The following OR52N2 variants were observed in gnomAD, a reference collection of about 807,000 sequenced individuals.
OR52N2 encodes olfactory receptor family 52 subfamily N member 2, also known as olfactory receptor 52N2.
For missense variants in OR52N2, 326 were observed against 196.6 expected, an observed-to-expected ratio of 1.66 and a Z score of -3.94; for synonymous variants, 129 against 72.0, an observed-to-expected ratio of 1.79 and a Z score of -4.01.
At chr11:5,813,970 C>T (rs769813960) in intron 1 of OR52N2, among the ~76,000 whole-genome samples, 3 of 152,178 alleles carry the variant, frequency 2.0e-5, no homozygotes, top group Non-Finnish European at 4.4e-5. Flanking sequence ...AATTCAACCT[C>T]CTTTCATGAT....
At chr11:5,820,187 A>G (rs1846434733) in intron 1 of OR52N2, 95 bp from the exon 2 acceptor site, 1 of 656,406 alleles carries the variant, frequency 1.5e-6, no homozygotes, top group Non-Finnish European at 2.7e-6. Context: ...ATTTCTGGTT[A>G]TCAATGTAAG....
At chr11:5,814,562 A>C (rs759286919) in intron 1 of OR52N2, among the ~76,000 whole-genome samples, 3 of 152,268 alleles carry the variant, frequency 2.0e-5, no homozygotes, top group Non-Finnish European at 4.4e-5. Flanking sequence ...AATATTGCCG[A>C]AATAAATTAA....
intron 1 of OR52N2, among the ~76,000 whole-genome samples, chr11:5,812,235 C>T (rs945960471): frequency 6.6e-6 from 1 of 151,974 alleles, no homozygotes; most frequent in South Asian, 2.1e-4. Context: ...TGGCTCACAC[C>T]TGTAATCCCA....
intron 1 of OR52N2, among the ~76,000 whole-genome samples, chr11:5,815,935 GTA>G (rs71468070): frequency 3.3e-5 from 5 of 150,736 alleles, no homozygotes; most frequent in African/African-American, 9.8e-5. Flanking sequence ...CATTATATAT[GTA>G]TATATATATG....
At chr11:5,813,484 T>C (rs943324147) in intron 1 of OR52N2, among the ~76,000 whole-genome samples, 2 of 151,954 alleles carry the variant, frequency 1.3e-5, no homozygotes, top group African/African-American at 4.8e-5. Context: ...AGAAATAGAA[T>C]ATCTAAACAA....
intron 1 of OR52N2, among the ~76,000 whole-genome samples, chr11:5,809,364 C>G (rs1241527145): frequency 1.3e-5 from 2 of 152,246 alleles, no homozygotes; most frequent in East Asian, 3.9e-4. Context: ...ATGGGCTGAG[C>G]TGACCAGATT....
chr11:5,817,860 A>T (rs1846415828), intron 1 of OR52N2, among the ~76,000 whole-genome samples: 1 of 152,202 alleles, frequency 6.6e-6, no homozygotes, highest in African/African-American at 2.4e-5. Flanking sequence ...AAAATTTGGA[A>T]ACAAATATTC....
chr11:5,813,347 T>C (rs571115760), intron 1 of OR52N2, among the ~76,000 whole-genome samples: 3 of 152,112 alleles, frequency 2.0e-5, no homozygotes, highest in East Asian at 3.9e-4. Context: ...TACAAACAAT[T>C]ATATGCCAAC....
At position 5,820,051 on chromosome 11, in the gene OR52N2, A is replaced by G. The variant is rs886290214; in HGVS notation, c.-54-231A>G. ...ACAGTATAAGAGTTGTGCTGGGGAG[A>G]GGTGTGGTAAGTGAGGATAGTTAAT... On this transcript the variant is annotated intron_variant, in intron 1 of 1. Coordinates refer to ENST00000317037, the MANE Select transcript of OR52N2 (RefSeq NM_001005174.3). 1.1e-4 allele frequency among the ~76,000 whole-genome samples: 16 copies of G among 152,158 alleles called. No homozygotes were observed. In the East Asian group the frequency reaches 3.1e-3, roughly 29 times the overall value.
At chr11:5,816,297 G>A (rs904681782) in intron 1 of OR52N2, among the ~76,000 whole-genome samples, 2 of 152,128 alleles carry the variant, frequency 1.3e-5, no homozygotes, top group African/African-American at 2.4e-5. Flanking sequence ...CCACTGAACT[G>A]TATATACCTG....
In OR52N2 at chr11:5,820,754, A is replaced by G. The variant is rs1373421262; in HGVS notation, c.419A>G (p.Asn140Ser). 3.9e-6 allele frequency: 3 copies of G among 774,518 alleles called. No individual in the cohort carries two copies. The highest frequency in any genetic ancestry group is 4.8e-6 in the Non-Finnish European group (2 of 417,098). 48.0% of individuals were successfully genotyped at this position (774,518 alleles called of 1,614,324 possible). ...YPLRYATILT[N>S]PVIAKAGLAT... is the part of the protein sequence containing the mutation. Reference sequence around the variant, plus strand: ...TTACGCTATGCCACCATCCTTACCAACCCTGTCATCGCCAAGGCTGGTCTT... The same window carrying G: ...TTACGCTATGCCACCATCCTTACCAGCCCTGTCATCGCCAAGGCTGGTCTT... The change falls in exon 2 of 2, where the codon AAC becomes AGC. Residue 140 changes from asparagine to serine, a missense_variant. Coordinates refer to ENST00000317037, the MANE Select transcript of OR52N2 (RefSeq NM_001005174.3).
intron 1 of OR52N2, among the ~76,000 whole-genome samples, chr11:5,819,435 G>C (rs746582055): frequency 5.3e-5 from 8 of 152,092 alleles, no homozygotes; most frequent in Non-Finnish European, 1.0e-4. Context: ...AGGGCTTTTT[G>C]AGTGTAAATT....
Position 5,820,847 on chromosome 11 carries a change from G to A in OR52N2, c.512G>A (p.Cys171Tyr), listed in dbSNP as rs1564974209. 1 of 780,788 alleles carries A rather than the reference G, an allele frequency of 1.3e-6. No individual in the cohort carries two copies. The highest frequency in any genetic ancestry group is 2.4e-6 in the Non-Finnish European group (1 of 418,092). The allele number at this position is 780,788 out of a possible 1,614,324, so 48.4% of individuals were successfully genotyped here. Reference sequence around the variant, plus strand: ...CTCCTCACCAAGCGCCTGCCCTATTGCCGGGGGAACTTCATCCCCCACACC... The same window carrying A: ...CTCCTCACCAAGCGCCTGCCCTATTACCGGGGGAACTTCATCCCCCACACC... Reference protein sequence around the residue: ...FTLLTKRLPYCRGNFIPHTYC... With the variant: ...FTLLTKRLPYYRGNFIPHTYC... Residue 171 changes from cysteine to tyrosine, a missense_variant, in exon 2 of 2, where the codon TGC becomes TAC. Coordinates refer to ENST00000317037, the MANE Select transcript of OR52N2 (RefSeq NM_001005174.3).
intron 1 of OR52N2, among the ~76,000 whole-genome samples, 67 bp downstream of exon 1, chr11:5,809,121 G>A (rs752569435): frequency 3.0e-4 from 46 of 152,086 alleles, no homozygotes; most frequent in Non-Finnish European, 5.9e-4. Flanking sequence ...AGAGTTGTTG[G>A]GTGTAAAAAT....
intron 1 of OR52N2, among the ~76,000 whole-genome samples, chr11:5,817,807 C>T (rs1459560843): frequency 6.6e-6 from 1 of 151,954 alleles, no homozygotes; most frequent in Admixed American, 6.6e-5. Flanking sequence ...GAAATGCATA[C>T]AGAGTGGATT....
At chr11:5,811,045 T>C (rs1846357513) in intron 1 of OR52N2, among the ~76,000 whole-genome samples, 1 of 151,080 alleles carries the variant, frequency 6.6e-6, no homozygotes, top group Non-Finnish European at 1.5e-5. Flanking sequence ...AAACACAAAA[T>C]ATATTAAAAT....
At chr11:5,819,535 C>T (rs1846429291) in intron 1 of OR52N2, among the ~76,000 whole-genome samples, 1 of 152,160 alleles carries the variant, frequency 6.6e-6, no homozygotes, top group South Asian at 2.1e-4. Flanking sequence ...AAAATCACTA[C>T]TAAACTTACG....
At chr11:5,810,382 C>T (rs1461543501) in intron 1 of OR52N2, among the ~76,000 whole-genome samples, 2 of 152,064 alleles carry the variant, frequency 1.3e-5, no homozygotes, top group African/African-American at 2.4e-5. Flanking sequence ...CAGCTCTGAA[C>T]TGAGGAGGAA....
At chr11:5,820,045 G>C (rs190387123) in intron 1 of OR52N2, among the ~76,000 whole-genome samples, 2 of 152,204 alleles carry the variant, frequency 1.3e-5, no homozygotes, top group Non-Finnish European at 2.9e-5. Flanking sequence ...GAGTTGTGCT[G>C]GGGAGAGGTG....
Sources: allele counts gnomAD v4.1 joint callset (sites outside exome capture counted in the v4.1 genomes callset), GRCh38; gene constraint gnomAD v4.1.1; transcripts MANE v1.5; gene names NCBI Gene and HGNC (gene_info 2026-07-23, HGNC 2026-07-21).